Variants in GTF2IRD1 observed in about 807,000 individuals in gnomAD.
The protein encoded by GTF2IRD1 is GTF2I repeat domain containing 1.
GTF2IRD1 carries 26 observed loss-of-function variants against 113.2 expected under a neutral mutation model. The observed-to-expected ratio is 0.23, with a 90% CI of 0.17 to 0.32. The LOEUF (loss-of-function observed/expected upper bound fraction) is 0.32. Among genes scored for constraint, GTF2IRD1 ranks in the 10% least tolerant of loss-of-function variants. The probability of loss-of-function intolerance (pLI) is 1.00; values close to 1 mark genes in which losing one functional copy is unlikely to be tolerated. For synonymous variants in GTF2IRD1, 484 were observed against 529.1 expected (o/e 0.91, Z 1.17); for missense variants, 864 against 1,280.8 (o/e 0.67, Z 4.97).
intron 5 of GTF2IRD1, 21 bp from the exon 6 acceptor site, chr7:74,519,388 T>C (rs1554345334): frequency 2.0e-6 from 3 of 1,490,026 alleles, no homozygotes; most frequent in Admixed American, 2.3e-5. Context: ...AAGCTGTCCA[T>C]GTGTCCTCTC....
At chr7:74,483,331 A>G (rs1794847585) in intron 1 of GTF2IRD1, among the ~76,000 whole-genome samples, 1 of 152,048 alleles carries the variant, frequency 6.6e-6, no homozygotes, top group Non-Finnish European at 1.5e-5. Context: ...TGAGCCCAAG[A>G]ATTTGAGCCC....
chr7:74,587,919 A>G (rs1330336175), intron 22 of GTF2IRD1, among the ~76,000 whole-genome samples: 1 of 152,026 alleles, frequency 6.6e-6, no homozygotes, highest in Admixed American at 6.6e-5. Context: ...CCACACTCCC[A>G]GACACGGTCT....
chr7:74,494,935 T>C (rs1443549543), intron 1 of GTF2IRD1, among the ~76,000 whole-genome samples: 5 of 152,050 alleles, frequency 3.3e-5, no homozygotes, highest in African/African-American at 1.2e-4. Context: ...ATTTTTTTTG[T>C]AGAGATGGGG....
rs1482210632 is a variant in GTF2IRD1, at chr7:74,561,331, G to A, written c.2320+1676G>A. On this transcript the variant is annotated intron_variant, in intron 22 of 26. Transcript: ENST00000424337. ...GCGACTGCACTCCACCTTGGGCGAC[G>A]GGACTAGATTGTCTCAAAAAAAAAA... 1.2e-4 allele frequency among the ~76,000 whole-genome samples: 17 copies of A among 146,870 alleles called. No individual in the cohort carries two copies. In the East Asian group the frequency reaches 1.2e-3, roughly 11 times the overall value.
chr7:74,547,121 C>T lies in GTF2IRD1; in HGVS notation c.1751C>T (p.Ser584Leu), dbSNP rs782763497. Residue 584 changes from serine to leucine, a missense_variant, in exon 17 of 27, where the codon TCG becomes TTG. Ser to Leu is a moderately radical substitution (Grantham distance 145). Transcript: ENST00000424337. ...TCTGCAGCCAAGGCCATTGGCATCT[C>T]GGAGCCCGTCAAGGTGCCGTACTCC... ...NTRYAKAIGI[S>L]EPVKVPYSKF... 6.2e-6 allele frequency: 10 copies of T among 1,612,792 alleles called. No individual in the cohort carries two copies. Among genetic ancestry groups the T allele is most frequent in the East Asian group, 4.5e-5 (2 of 44,866 alleles).
chr7:74,493,074 G>A (rs1795458024), intron 1 of GTF2IRD1, among the ~76,000 whole-genome samples: 1 of 151,172 alleles, frequency 6.6e-6, no homozygotes, highest in African/African-American at 2.4e-5. Context: ...TTACAGGAAT[G>A]AGCCACTGTG....
At chr7:74,537,989 C>T (rs1296345435) in intron 11 of GTF2IRD1, 147 bp from the exon 12 acceptor site, 3 of 713,470 alleles carry the variant, frequency 4.2e-6, no homozygotes, top group East Asian at 2.5e-5. Context: ...GTGGGGAGCA[C>T]CATCCTGGAG....
chr7:74,560,625 C>T (rs1448492142), intron 22 of GTF2IRD1, among the ~76,000 whole-genome samples: 1 of 150,932 alleles, frequency 6.6e-6, no homozygotes, highest in African/African-American at 2.4e-5. Flanking sequence ...CACTTTGTTG[C>T]CCAGGCTGGA....
chr7:74,463,440 G>A (rs750140636), intron 1 of GTF2IRD1, among the ~76,000 whole-genome samples: 5 of 152,148 alleles, frequency 3.3e-5, no homozygotes, highest in Admixed American at 1.3e-4. Context: ...TCGCCATGTC[G>A]CCCAGGCTGG....
intron 17 of GTF2IRD1, among the ~76,000 whole-genome samples, chr7:74,551,409 C>T (rs1345743957): frequency 6.6e-6 from 1 of 152,166 alleles, no homozygotes; most frequent in African/African-American, 2.4e-5. Context: ...AAAAAACCAT[C>T]CTGGATGCCT....
chr7:74,545,258 G>A (rs587665320), intron 15 of GTF2IRD1, among the ~76,000 whole-genome samples: 12 of 152,224 alleles, frequency 7.9e-5, no homozygotes, highest in South Asian at 2.1e-4. Context: ...CCAGGGTGAG[G>A]GTGGGTCTGT....
chr7:74,553,173 A>G (rs1473461197), intron 17 of GTF2IRD1, among the ~76,000 whole-genome samples: 11 of 150,044 alleles, frequency 7.3e-5, no homozygotes, highest in Non-Finnish European at 1.2e-4. Context: ...GTCTCACTCC[A>G]GGCTGGAGTA....
intron 1 of GTF2IRD1, among the ~76,000 whole-genome samples, chr7:74,469,084 CA>C (rs11337115): frequency 0.8 from 112,627 of 140,512 alleles, 44,686 homozygotes; most frequent in Admixed American, 0.85. Context: ...GACTCCATCT[CA>C]AAAAAAAAAA....
At chr7:74,516,110 C>T (rs936651328) in intron 4 of GTF2IRD1, among the ~76,000 whole-genome samples, 2 of 152,248 alleles carry the variant, frequency 1.3e-5, no homozygotes, top group African/African-American at 4.8e-5. Context: ...TTCTCCAGCA[C>T]TCGCTGGTGC....
chr7:74,520,663 C>T (rs1330527164), intron 6 of GTF2IRD1, among the ~76,000 whole-genome samples: 1 of 149,928 alleles, frequency 6.7e-6, no homozygotes, highest in African/African-American at 2.5e-5. Flanking sequence ...TGGGTCTTGC[C>T]AGGCATACCT....
At chr7:74,500,551 A>G (rs1795977195) in intron 1 of GTF2IRD1, among the ~76,000 whole-genome samples, 2 of 152,004 alleles carry the variant, frequency 1.3e-5, no homozygotes, top group African/African-American at 2.4e-5. Flanking sequence ...CCAGCGGGCC[A>G]GGCCTCTCAG....
At chr7:74,569,650 G>T (rs1416205205) in intron 22 of GTF2IRD1, among the ~76,000 whole-genome samples, 2 of 152,178 alleles carry the variant, frequency 1.3e-5, no homozygotes, top group African/African-American at 2.4e-5. Flanking sequence ...CACCCACCAA[G>T]GGTGGATTAG....
At chr7:74,590,732 G>C (rs1205718751) in intron 23 of GTF2IRD1, 93 bp from the exon 24 acceptor site, 1 of 812,744 alleles carries the variant, frequency 1.2e-6, no homozygotes, top group Non-Finnish European at 1.9e-6. Context: ...ATGGCTGCTG[G>C]GCTAGGGCAG....
rs138178353 is a variant in GTF2IRD1, at chr7:74,518,254, C to G, written c.537C>G (p.Ala179=). The G allele has an allele frequency of 6.2e-7, 1 of 1,612,118 alleles. No individual in the cohort carries two copies. Among genetic ancestry groups the G allele is most frequent in the South Asian group, 1.1e-5 (1 of 91,038 alleles). Residue 179 remains alanine, a synonymous_variant, in exon 5 of 27, where the codon GCC becomes GCG. Transcript: ENST00000424337. ...LPEGLAFRRP[A]EYDPKALMAI... ...AAGGCCTGGCCTTCCGAAGGCCAGC[C>G]GAGTATGACCCCAAGGCCCTCATGG...
Sources: allele counts gnomAD v4.1 joint callset (sites outside exome capture counted in the v4.1 genomes callset), GRCh38; gene constraint gnomAD v4.1.1; transcripts MANE v1.5; gene names NCBI Gene and HGNC (gene_info 2026-07-23, HGNC 2026-07-21).